The following CEP120 variants were observed in gnomAD, a reference collection of about 807,000 sequenced individuals.
CEP120 encodes centrosomal protein of 120 kDa.
A neutral mutation model predicts 126.5 loss-of-function variants in CEP120; 113 were observed. The observed-to-expected ratio is 0.89, with a 90% CI of 0.77 to 1.04. The LOEUF (loss-of-function observed/expected upper bound fraction) is 1.04, where lower values mean the gene tolerates loss of function less well. CEP120 is among the 50% of genes least tolerant of loss of function. CEP120 has a pLI of 0.00. For missense variants in CEP120, 1,230 were observed against 1,155.7 expected, an observed-to-expected ratio of 1.06 and a Z score of -0.93; for synonymous variants, 400 against 394.3, an observed-to-expected ratio of 1.01 and a Z score of -0.17.
intron 15 of CEP120, among the ~76,000 whole-genome samples, chr5:123,377,910 C>CA (rs1171283931): frequency 1.3e-5 from 2 of 150,916 alleles, no homozygotes; most frequent in Non-Finnish European, 3.0e-5. Flanking sequence ...GTATTAGGCA[C>CA]AAATCTACAC....
intron 11 of CEP120, among the ~76,000 whole-genome samples, 155 bp from the exon 12 acceptor site, chr5:123,383,237 A>G (rs1771780754): frequency 6.6e-6 from 1 of 152,062 alleles, no homozygotes; most frequent in Non-Finnish European, 1.5e-5. Flanking sequence ...GTAGGCTTCA[A>G]CACCTTCCAT....
chr5:123,381,362 G>A (rs2127045164), intron 14 of CEP120, among the ~76,000 whole-genome samples: 1 of 140,960 alleles, frequency 7.1e-6, no homozygotes, highest in South Asian at 2.4e-4. Flanking sequence ...ATGAGAGGAG[G>A]GGGTTATAGA....
At chr5:123,405,634 A>T (rs1773592244) in intron 4 of CEP120, among the ~76,000 whole-genome samples, 1 of 152,196 alleles carries the variant, frequency 6.6e-6, no homozygotes, top group South Asian at 2.1e-4. Flanking sequence ...ACTGAGAAGC[A>T]ATGGTGAAGT....
At position 123,377,363 on chromosome 5, in the gene CEP120, C is replaced by T. The variant is rs778675981; in HGVS notation, c.2358+11G>A. 31 of 1,602,974 alleles carry T rather than the reference C, an allele frequency of 1.9e-5. No individual in the cohort carries two copies. The highest frequency in any genetic ancestry group is 1.7e-4 in the Middle Eastern group (1 of 6,052). Reference sequence around the variant, plus strand: ...ACTAAGCATAAAAAGATGACAAGTACGTTATCCAACCTGTTGCTGAAGGCG... The same window carrying T: ...ACTAAGCATAAAAAGATGACAAGTATGTTATCCAACCTGTTGCTGAAGGCG... On this transcript the variant is annotated intron_variant, in intron 16 of 19. Transcript: ENST00000306467.
rs1236958125 is a variant in CEP120, at chr5:123,346,574, CTTA to C, written c.2903_2905del (p.Ile968del). 2.5e-6 allele frequency: 4 copies of C among 1,613,740 alleles called. No individual in the cohort carries two copies. Among genetic ancestry groups the C allele is most frequent in the South Asian group, 2.2e-5 (2 of 91,032 alleles). ...CTCTCTGATCTGTCGGTCGAGTTCA[CTTA>C]TTATTCGATCCTCGTGATTATACAC... On this transcript the variant is annotated inframe_deletion, in exon 20 of 20. Transcript: ENST00000306467.
rs188178306 is a variant in CEP120, at chr5:123,356,734, A to G, written c.2581-6645T>C. 5.3e-5 allele frequency among the ~76,000 whole-genome samples: 8 copies of G among 152,222 alleles called. No individual in the cohort carries two copies. In the East Asian group the frequency reaches 7.7e-4, roughly 15 times the overall value. On this transcript the variant is annotated intron_variant, in intron 18 of 19. Coordinates refer to ENST00000306467, the MANE Select transcript of CEP120 (RefSeq NM_001375405.1). ...GGACCCTTTCAACTTCAGATAATGCAACATACTTTAAACATTTCACTCTCT... is the reference window on the plus strand; with the variant it reads ...GGACCCTTTCAACTTCAGATAATGCGACATACTTTAAACATTTCACTCTCT...
At chr5:123,401,441 C>T (rs573435227) in intron 4 of CEP120, 13 of 1,333,358 alleles carry the variant, frequency 9.7e-6, no homozygotes, top group African/African-American at 2.9e-5. Context: ...CTTTGTGCAC[C>T]GCAGGTTATC....
At chr5:123,415,957 A>T in intron 3 of CEP120, 53 bp downstream of exon 3, 1 of 1,197,952 alleles carries the variant, frequency 8.3e-7, no homozygotes, top group South Asian at 1.2e-5. Context: ...TTATCTACTG[A>T]AAATAATCGA....
At chr5:123,382,227 C>T (rs958818061) in intron 13 of CEP120, 27 bp from the exon 14 acceptor site, 11 of 1,395,370 alleles carry the variant, frequency 7.9e-6, no homozygotes, top group Non-Finnish European at 1.1e-5. Context: ...AATAAAGTCG[C>T]CAAAAAACCC....
At chr5:123,402,891 T>C (rs1227783929) in intron 4 of CEP120, among the ~76,000 whole-genome samples, 2 of 152,222 alleles carry the variant, frequency 1.3e-5, no homozygotes, top group Non-Finnish European at 2.9e-5. Flanking sequence ...TCAGGTGCCC[T>C]TATAAAAAGG....
chr5:123,419,812 C>T (rs1774605406), intron 1 of CEP120, among the ~76,000 whole-genome samples: 1 of 151,994 alleles, frequency 6.6e-6, no homozygotes, highest in Non-Finnish European at 1.5e-5. Flanking sequence ...AACTGAGGAT[C>T]TAGTTAAGAG....
intron 4 of CEP120, among the ~76,000 whole-genome samples, chr5:123,400,659 C>CTTTT (rs34109692): frequency 1.1e-5 from 1 of 88,968 alleles, no homozygotes; most frequent in Non-Finnish European, 2.1e-5. Context: ...ATATATATGG[C>CTTTT]TTTTTTTTTT....
intron 17 of CEP120, among the ~76,000 whole-genome samples, chr5:123,366,146 G>A (rs574324327): frequency 1.3e-5 from 2 of 151,622 alleles, no homozygotes; most frequent in South Asian, 2.1e-4. Context: ...CCAAATCAAC[G>A]ATTCCTAACT....
intron 7 of CEP120, chr5:123,390,444 T>C (rs766046073): frequency 4.5e-6 from 2 of 448,580 alleles, no homozygotes; most frequent in Non-Finnish European, 4.3e-6. Context: ...ACCAAGGCAG[T>C]ACAATGGAGA....
At chr5:123,402,146 G>A (rs1773292299) in intron 4 of CEP120, 1 of 1,584,770 alleles carries the variant, frequency 6.3e-7, no homozygotes, top group Non-Finnish European at 8.6e-7. Context: ...GGTTGACTGT[G>A]ACCGCGGTGA....
chr5:123,421,496 T>C (rs1386784222), intron 1 of CEP120, among the ~76,000 whole-genome samples: 1 of 152,216 alleles, frequency 6.6e-6, no homozygotes, highest in African/African-American at 2.4e-5. Flanking sequence ...CCAAATGAAT[T>C]GCATTTATGT....
Position 123,386,519 on chromosome 5 carries a change from T to G in CEP120, c.1579A>C (p.Arg527=). The change falls in exon 10 of 20, where the codon AGG becomes CGG. Residue 527 remains arginine, a splice_region_variant and synonymous_variant. Transcript: ENST00000306467. The stretch of plus-strand genomic sequence containing the variant: ...TCATACATACACTGTATGCATTACC[T>G]TAAGAAGGTGTCTTGCAGCTGATGA... ...MPHQLQDTFL[R]IPLLVELWHK... The G allele has an allele frequency of 6.4e-7, 1 of 1,559,858 alleles. No individual in the cohort carries two copies. The highest frequency in any genetic ancestry group is 8.6e-7 in the Non-Finnish European group (1 of 1,157,944).
At chr5:123,379,717 T>C (rs1771510213) in intron 14 of CEP120, among the ~76,000 whole-genome samples, 1 of 150,806 alleles carries the variant, frequency 6.6e-6, no homozygotes, top group Non-Finnish European at 1.5e-5. Flanking sequence ...TCAACCTCTC[T>C]TACCTTATTT....
intron 18 of CEP120, among the ~76,000 whole-genome samples, chr5:123,354,234 T>C (rs1033059816): frequency 6.6e-6 from 1 of 152,138 alleles, no homozygotes; most frequent in Non-Finnish European, 1.5e-5. Flanking sequence ...TATCTTTTTA[T>C]TTCTAGCTAA....
Sources: gnomAD v4.1 joint callset for allele counts (sites outside exome capture counted in the v4.1 genomes callset) on GRCh38, gnomAD v4.1.1 for gene constraint, MANE v1.5 for transcripts, NCBI Gene and HGNC (gene_info 2026-07-23, HGNC 2026-07-21) for gene names.